The following ACYP2 variants were observed in gnomAD, a reference collection of about 807,000 sequenced individuals.
The protein encoded by ACYP2 is acylphosphatase 2, also known as acylphosphatase-2.
In ACYP2, 12 loss-of-function variants were observed where a neutral mutation model predicts 11.2. The ratio of observed to expected loss-of-function variants is 1.08; its 90% CI spans 0.69 to 1.74. The LOEUF is 1.74. Ranked by LOEUF, ACYP2 falls within the 40% of genes most tolerant of loss-of-function variation. The pLI is 0.00. For missense variants in ACYP2, 134 were observed against 101.9 expected, an observed-to-expected ratio of 1.31 and a Z score of -1.35; for synonymous variants, 43 against 32.2, an observed-to-expected ratio of 1.33 and a Z score of -1.13.
chr2:54,152,115 C>CTTT (rs59900871), intron 6 of ACYP2, among the ~76,000 whole-genome samples: 3,072 of 106,794 alleles, frequency 0.029, 113 homozygotes, highest in African/African-American at 0.052. Flanking sequence ...AGGGTTGACT[C>CTTT]TTTTTTTTTT....
At chr2:54,245,350 C>A (rs1686900805) in intron 6 of ACYP2, among the ~76,000 whole-genome samples, 1 of 152,172 alleles carries the variant, frequency 6.6e-6, no homozygotes, top group Non-Finnish European at 1.5e-5. Flanking sequence ...CATGGGGGTG[C>A]AGATACCTCT....
intron 2 of ACYP2, among the ~76,000 whole-genome samples, chr2:53,984,509 G>A (rs1207520645): frequency 6.6e-6 from 1 of 151,670 alleles, no homozygotes; most frequent in African/African-American, 2.4e-5. Context: ...CCGGGGGGGT[G>A]GGGGTTGCAG....
At chr2:54,234,592 G>C (rs1241073584) in intron 6 of ACYP2, among the ~76,000 whole-genome samples, 2 of 152,246 alleles carry the variant, frequency 1.3e-5, no homozygotes, top group South Asian at 4.1e-4. Context: ...AGTCAGAATT[G>C]TGTAAGCTGA....
intron 6 of ACYP2, among the ~76,000 whole-genome samples, chr2:54,159,082 T>C (rs898952574): frequency 7.9e-5 from 12 of 152,226 alleles, no homozygotes; most frequent in Admixed American, 4.6e-4. Flanking sequence ...CCATGTGTTA[T>C]AGGTTTACTA....
intron 5 of ACYP2, among the ~76,000 whole-genome samples, chr2:54,137,459 G>T (rs962417409): frequency 1.3e-5 from 2 of 152,014 alleles, no homozygotes; most frequent in Admixed American, 1.3e-4. Context: ...GTAGGCCCCA[G>T]TGTCTGTTGT....
In ACYP2 at chr2:53,972,256, G is replaced by C. The variant is rs926656303; in HGVS notation, c.-37+935G>C. Among the ~76,000 whole-genome samples the C allele has an allele frequency of 2.7e-5, 4 of 150,584 alleles. No homozygotes were observed. In the East Asian group the frequency reaches 7.8e-4, roughly 30 times the overall value. ...AACCGGAAGGCGGAGGTTGCAGTGA[G>C]CCAAGATCGCGCCAGGGCACTCCAG... is the stretch of plus-strand genomic sequence containing the variant. On this transcript the variant is annotated intron_variant, in intron 1 of 6. Transcript: ENST00000607452.
chr2:53,981,614 G>A (rs549250869), intron 2 of ACYP2, among the ~76,000 whole-genome samples: 34 of 152,286 alleles, frequency 2.2e-4, no homozygotes, highest in African/African-American at 7.9e-4. Context: ...AGGGGAGGGG[G>A]GTTGCAAAGG....
intron 4 of ACYP2, among the ~76,000 whole-genome samples, chr2:54,110,081 C>T (rs555682518): frequency 9.2e-4 from 140 of 152,234 alleles, no homozygotes; most frequent in Non-Finnish European, 1.7e-3. Context: ...TCAGGCATTT[C>T]GTAGAATTAA....
rs142149532 is a variant in ACYP2 at position 54,263,505 on chromosome 2, T to A, written c.405-41183T>A. Among the ~76,000 whole-genome samples, 1,010 of 152,236 alleles carry A rather than the reference T, an allele frequency of 6.6e-3. 15 individuals carry two copies. The highest frequency in any genetic ancestry group is 0.023 in the African/African-American group (964 of 41,534). ...CAGGCATGGTGCTGCATACCTGTAGTCCTAGCTACTCAGGAGGCTGAGATG... is the reference window on the plus strand; with the variant it reads ...CAGGCATGGTGCTGCATACCTGTAGACCTAGCTACTCAGGAGGCTGAGATG... On this transcript the variant is annotated intron_variant, in intron 6 of 6. Transcript: ENST00000607452.
chr2:54,215,192 AAGAG>A (rs1038695746), intron 6 of ACYP2, among the ~76,000 whole-genome samples: 1 of 152,192 alleles, frequency 6.6e-6, no homozygotes, highest in African/African-American at 2.4e-5. Context: ...ATTGTCTGCT[AAGAG>A]AGAAAGTTTG....
intron 4 of ACYP2, among the ~76,000 whole-genome samples, chr2:54,126,402 G>A (rs1446960990): frequency 6.6e-6 from 1 of 152,118 alleles, no homozygotes; most frequent in Non-Finnish European, 1.5e-5. Context: ...TGATGAGATT[G>A]ATCAAAAATT....
At chr2:53,994,681 A>G (rs925286071) in intron 2 of ACYP2, among the ~76,000 whole-genome samples, 9 of 152,184 alleles carry the variant, frequency 5.9e-5, no homozygotes, top group Admixed American at 5.9e-4. Context: ...GGAATAAGAT[A>G]TCAGACCTTC....
In ACYP2 at chr2:54,255,596, C is replaced by T. The variant is rs202006037; in HGVS notation, c.405-49092C>T. 245 of 1,613,504 alleles carry T rather than the reference C, an allele frequency of 1.5e-4. 2 individuals carry two copies. The highest frequency in any genetic ancestry group is 5.5e-4 in the South Asian group (50 of 91,076). ...CCGGGCCCGGGCCCAGGCCCTGCCTCCCTGTTTACCTCATCTATTGCTCTG... is the reference window on the plus strand; with the variant it reads ...CCGGGCCCGGGCCCAGGCCCTGCCTTCCTGTTTACCTCATCTATTGCTCTG... On this transcript the variant is annotated intron_variant, in intron 6 of 6. Transcript: ENST00000607452.
At chr2:54,233,032 T>G (rs952977421) in intron 6 of ACYP2, among the ~76,000 whole-genome samples, 6 of 152,192 alleles carry the variant, frequency 3.9e-5, no homozygotes, top group African/African-American at 1.4e-4. Flanking sequence ...GGAAGTCATC[T>G]TCACAATTAA....
intron 6 of ACYP2, among the ~76,000 whole-genome samples, chr2:54,211,182 G>C (rs1289807451): frequency 3.4e-5 from 5 of 146,148 alleles, no homozygotes; most frequent in African/African-American, 1.4e-4. Context: ...AATTAAAACA[G>C]AAATATTTTT....
At chr2:54,094,893 CTT>C (rs34164496) in intron 4 of ACYP2, among the ~76,000 whole-genome samples, 3 of 146,042 alleles carry the variant, frequency 2.1e-5, no homozygotes, top group South Asian at 4.4e-4. Flanking sequence ...TTTAAACTTC[CTT>C]TTTTTTTTTA....
intron 6 of ACYP2, among the ~76,000 whole-genome samples, chr2:54,171,678 C>A (rs1439084793): frequency 1.3e-5 from 2 of 152,122 alleles, no homozygotes; most frequent in East Asian, 3.9e-4. Flanking sequence ...TCACCCCTTT[C>A]ATTAGTAATT....
chr2:54,206,042 A>G (rs998043714), intron 6 of ACYP2, among the ~76,000 whole-genome samples: 12 of 152,132 alleles, frequency 7.9e-5, no homozygotes, highest in Non-Finnish European at 1.5e-4. Context: ...TCTGCCTAGT[A>G]CTGATTCTGC....
chr2:54,095,458 C>T (rs1348090927), intron 4 of ACYP2, among the ~76,000 whole-genome samples: 1 of 151,950 alleles, frequency 6.6e-6, no homozygotes, highest in Admixed American at 6.5e-5. Flanking sequence ...CCAGTAGGGG[C>T]GGCCGGGCAG....
Sources: allele counts gnomAD v4.1 joint callset (sites outside exome capture counted in the v4.1 genomes callset), GRCh38; gene constraint gnomAD v4.1.1; transcripts MANE v1.5; gene names NCBI Gene and HGNC (gene_info 2026-07-23, HGNC 2026-07-21).